Variants in ADARB2 observed in about 807,000 individuals in gnomAD.
ADARB2 encodes the protein adenosine deaminase RNA specific B2 (inactive), also known as inactive double-stranded RNA-specific editase B2.
Under a neutral mutation model 62.2 loss-of-function variants are expected in ADARB2, and 25 were observed. The observed-to-expected ratio is 0.40, with a 90% CI of 0.29 to 0.56. The LOEUF is 0.56. ADARB2 is among the 20% of genes least tolerant of loss of function. The pLI, the probability that ADARB2 is intolerant of heterozygous loss-of-function variation, is 0.43. For synonymous variants in ADARB2, 572 were observed against 500.8 expected, an observed-to-expected ratio of 1.14 and a Z score of -1.90; for missense variants, 1,071 against 1,077.4, an observed-to-expected ratio of 0.99 and a Z score of 0.08.
intron 1 of ADARB2, among the ~76,000 whole-genome samples, chr10:1,509,858 T>A (rs1357360889): frequency 2.0e-5 from 3 of 152,204 alleles, no homozygotes; most frequent in Non-Finnish European, 4.4e-5. Flanking sequence ...GCCATGTCTG[T>A]GGTACAAAAC....
intron 1 of ADARB2, among the ~76,000 whole-genome samples, chr10:1,703,193 T>C (rs1450884230): frequency 6.6e-6 from 1 of 152,068 alleles, no homozygotes; most frequent in Non-Finnish European, 1.5e-5. Context: ...AGGGCTTCAG[T>C]CCTAGTGGAA....
intron 4 of ADARB2, among the ~76,000 whole-genome samples, chr10:1,256,993 A>G (rs1831086043): frequency 6.6e-6 from 1 of 152,208 alleles, no homozygotes; most frequent in African/African-American, 2.4e-5. Flanking sequence ...TAAATAATTC[A>G]TGGACTAAAT....
chr10:1,489,250 G>A (rs1036526482), intron 1 of ADARB2, among the ~76,000 whole-genome samples: 10 of 149,746 alleles, frequency 6.7e-5, no homozygotes, highest in African/African-American at 2.5e-4. Flanking sequence ...GCGTGACCGT[G>A]CCTCTCTGGG....
intron 3 of ADARB2, among the ~76,000 whole-genome samples, chr10:1,295,276 C>A (rs1347881084): frequency 6.6e-6 from 1 of 152,036 alleles, no homozygotes; most frequent in Non-Finnish European, 1.5e-5. Context: ...GAGCTAAAAG[C>A]CAAGAAATGA....
rs1210416164 is a variant in ADARB2, at chr10:1,663,470, A to G, written c.100+73581T>C. 4.6e-5 allele frequency among the ~76,000 whole-genome samples: 7 copies of G among 151,742 alleles called. 1 individual carries two copies. In the East Asian group the frequency reaches 1.4e-3, roughly 29 times the overall value. On this transcript the variant is annotated intron_variant, in intron 1 of 9. Transcript: ENST00000381312. ...TCCCTCCCCGCCACCCCTGGAAACCATGAATCTTTTTACTGTCCGCGTAGT... is the reference window on the plus strand; with the variant it reads ...TCCCTCCCCGCCACCCCTGGAAACCGTGAATCTTTTTACTGTCCGCGTAGT...
intron 4 of ADARB2, among the ~76,000 whole-genome samples, chr10:1,245,339 T>C (rs1180881893): frequency 6.6e-6 from 1 of 152,212 alleles, no homozygotes; most frequent in Non-Finnish European, 1.5e-5. Flanking sequence ...TTTTTTCTTT[T>C]TCTTTTTTAT....
chr10:1,326,977 TCCCCACG>T (rs1831861257), intron 3 of ADARB2, among the ~76,000 whole-genome samples: 2 of 43,418 alleles, frequency 4.6e-5, no homozygotes, highest in African/African-American at 8.3e-5. Context: ...GCCCAGCGCC[TCCCCACG>T]GCCCAGCGCC....
At chr10:1,716,733 C>T (rs1255859726) in intron 1 of ADARB2, among the ~76,000 whole-genome samples, 2 of 152,180 alleles carry the variant, frequency 1.3e-5, no homozygotes, top group Non-Finnish European at 2.9e-5. Context: ...TTTTACTTTA[C>T]TCCATTACAC....
At chr10:1,481,556 G>A (rs917246935) in intron 1 of ADARB2, among the ~76,000 whole-genome samples, 1 of 152,176 alleles carries the variant, frequency 6.6e-6, no homozygotes, top group Admixed American at 6.5e-5. Flanking sequence ...TATATTTGAT[G>A]AGAGATTAAT....
chr10:1,682,438 A>G (rs903647875), intron 1 of ADARB2, among the ~76,000 whole-genome samples: 9 of 152,324 alleles, frequency 5.9e-5, no homozygotes, highest in Admixed American at 2.6e-4. Flanking sequence ...ATCCCCTGAA[A>G]GTCGGTCTTA....
chr10:1,378,747 G>A (rs188224927), intron 2 of ADARB2, among the ~76,000 whole-genome samples: 7 of 152,314 alleles, frequency 4.6e-5, no homozygotes, highest in Admixed American at 2.0e-4. Context: ...CTGCAGGCAA[G>A]GGTGGGACTG....
intron 3 of ADARB2, among the ~76,000 whole-genome samples, chr10:1,284,100 C>T (rs1001445079): frequency 2.0e-5 from 3 of 152,060 alleles, no homozygotes; most frequent in African/African-American, 7.2e-5. Context: ...TCTGTTAATT[C>T]ATCAAATATT....
chr10:1,734,846 A>G (rs1835280438), intron 1 of ADARB2, among the ~76,000 whole-genome samples: 1 of 152,240 alleles, frequency 6.6e-6, no homozygotes, highest in Non-Finnish European at 1.5e-5. Flanking sequence ...TATGGTTGTT[A>G]AGATTCATGA....
chr10:1,406,446 T>C (rs1230642386), intron 1 of ADARB2, among the ~76,000 whole-genome samples: 1 of 152,190 alleles, frequency 6.6e-6, no homozygotes, highest in Non-Finnish European at 1.5e-5. Context: ...GAGGGGTCAC[T>C]GAAGCCCACA....
At chr10:1,308,882 TGGAAA>T (rs1831657768) in intron 3 of ADARB2, among the ~76,000 whole-genome samples, 1 of 152,248 alleles carries the variant, frequency 6.6e-6, no homozygotes, top group East Asian at 1.9e-4. Flanking sequence ...TTTTCTCAGC[TGGAAA>T]AGTGTTGGAG....
chr10:1,367,218 C>T (rs973702725), intron 2 of ADARB2, among the ~76,000 whole-genome samples: 3 of 152,230 alleles, frequency 2.0e-5, no homozygotes, highest in Non-Finnish European at 4.4e-5. Context: ...TGAAAACATC[C>T]GGCTCTTGGC....
chr10:1,564,669 A>G (rs1832833702), intron 1 of ADARB2, among the ~76,000 whole-genome samples: 1 of 152,238 alleles, frequency 6.6e-6, no homozygotes, highest in Non-Finnish European at 1.5e-5. Context: ...AATGCTCACC[A>G]TCACTGGCCA....
intron 1 of ADARB2, among the ~76,000 whole-genome samples, chr10:1,407,350 G>A (rs886828606): frequency 2.0e-5 from 3 of 152,186 alleles, no homozygotes; most frequent in South Asian, 2.1e-4. Context: ...CGACGTCTCC[G>A]GCGTCCTTCT....
At chr10:1,514,178 A>AAAATATATATATAT (rs147869230) in intron 1 of ADARB2, among the ~76,000 whole-genome samples, 1 of 94,158 alleles carries the variant, frequency 1.1e-5, no homozygotes, top group African/African-American at 3.4e-5. Flanking sequence ...GCTGTCTCAA[A>AAAATATATATATAT]ATATATATAT....
Sources: allele counts gnomAD v4.1 joint callset (sites outside exome capture counted in the v4.1 genomes callset), GRCh38; gene constraint gnomAD v4.1.1; transcripts MANE v1.5; gene names NCBI Gene and HGNC (gene_info 2026-07-23, HGNC 2026-07-21).